The following OAS3 variants were observed in gnomAD, a reference collection of about 807,000 sequenced individuals.
The protein encoded by OAS3 is 2'-5'-oligoadenylate synthetase 3.
Under a neutral mutation model 113.0 loss-of-function variants are expected in OAS3, and 107 were observed. That is an observed-to-expected ratio of 0.95 (90% CI 0.81 to 1.11). The LOEUF is 1.11. Ranked by LOEUF, OAS3 falls within the 50% of genes most tolerant of loss-of-function variation. OAS3 has a pLI of 0.00. For missense variants in OAS3, 1,258 were observed against 1,389.1 expected (o/e 0.91, Z 1.50); for synonymous variants, 552 against 573.6 (o/e 0.96, Z 0.54).
In OAS3 at chr12:112,941,777, C is replaced by T; in HGVS notation, c.385C>T (p.Leu129=). 6.2e-7 allele frequency: 1 copy of T among 1,614,032 alleles called. No homozygotes were observed. The highest frequency in any genetic ancestry group is 8.5e-7 in the Non-Finnish European group (1 of 1,179,892). The change falls in exon 2 of 16, where the codon CTG becomes TTG. Residue 129 remains leucine (L), a synonymous_variant. Transcript: ENST00000228928. ...TFPEQSVPGA[L]QFRLTSVDLE... ...TCCTGAGCAGAGCGTGCCTGGGGCC[C>T]TGCAGTTCCGCCTGACATCCGTAGA...
In OAS3 at chr12:112,938,641, C is replaced by T. The variant is rs1044730070; in HGVS notation, c.111C>T (p.Ala37=). ...EKARRALGAL[A]AALRERGGRL... ...CGCGGCGCGCTCTGGGCGCCCTGGC[C>T]GCTGCCCTGAGGGAGCGCGGGGGCC... The change falls in exon 1 of 16, where the codon GCC becomes GCT. Residue 37 remains alanine, a synonymous_variant. Coordinates refer to ENST00000228928, the MANE Select transcript of OAS3 (RefSeq NM_006187.4). 1 of 1,605,026 alleles carries T rather than the reference C, an allele frequency of 6.2e-7. No homozygotes were observed. Among genetic ancestry groups the T allele is most frequent in the Non-Finnish European group, 8.5e-7 (1 of 1,176,810 alleles).
chr12:112,944,644 A>G lies in OAS3; in HGVS notation c.629A>G (p.Tyr210Cys), dbSNP rs969254961. The G allele has an allele frequency of 3.1e-6, 5 of 1,613,924 alleles. No individual in the cohort carries two copies. Among genetic ancestry groups the G allele is most frequent in the Middle Eastern group, 3.3e-4 (2 of 6,084 alleles). ...KNLILLVKHWYHQVCLQGLWK... is the reference protein window; with the variant it reads ...KNLILLVKHWCHQVCLQGLWK... ...CTAATCTTGCTGGTGAAGCACTGGT[A>G]CCACCAGGTGAAGCCACTTGGAAGG... The change falls in exon 3 of 16, where the codon TAC (tyrosine) becomes TGC (cysteine). Residue 210 changes from tyrosine to cysteine, a missense_variant. Physicochemically the swap from Tyr to Cys is radical, Grantham distance 194 (BLOSUM62 -2). Coordinates refer to ENST00000228928, the MANE Select transcript of OAS3 (RefSeq NM_006187.4).
chr12:112,950,318 C>A (rs370140233), intron 6 of OAS3, among the ~76,000 whole-genome samples: 1 of 152,310 alleles, frequency 6.6e-6, no homozygotes, highest in South Asian at 2.1e-4. Flanking sequence ...CAATTGCAGG[C>A]CCTATTAGGG....
Position 112,938,635 on chromosome 12 carries a change from C to T in OAS3, c.105C>T (p.Ala35=), listed in dbSNP as rs1334182022. The change falls in exon 1 of 16, where the codon GCC becomes GCT. Residue 35 remains alanine, a synonymous_variant. Coordinates refer to ENST00000228928, the MANE Select transcript of OAS3 (RefSeq NM_006187.4). The part of the protein sequence containing the change: ...FVEKARRALG[A]LAAALRERGG... ...AGAAGGCGCGGCGCGCTCTGGGCGC[C>T]CTGGCCGCTGCCCTGAGGGAGCGCG... 1.9e-6 allele frequency: 3 copies of T among 1,606,264 alleles called. No individual in the cohort carries two copies. The highest frequency in any genetic ancestry group is 1.7e-5 in the Admixed American group (1 of 59,298).
intron 11 of OAS3, 135 bp from the exon 12 acceptor site, chr12:112,965,609 A>C: frequency 1.3e-6 from 1 of 765,240 alleles, no homozygotes. Flanking sequence ...AGTCTTTCTT[A>C]CCATATTAAA....
chr12:112,951,206 C>T (rs34473003), intron 7 of OAS3, among the ~76,000 whole-genome samples: 19,323 of 152,150 alleles, frequency 0.13, 1,341 homozygotes, highest in Middle Eastern at 0.18. Flanking sequence ...AAACTACAGA[C>T]GTCACACACC....
chr12:112,947,824 G>A (rs2136347413), intron 4 of OAS3, 122 bp from the exon 5 acceptor site: 1 of 839,800 alleles, frequency 1.2e-6, no homozygotes, highest in African/African-American at 1.8e-5. Context: ...GGCTCAGAGA[G>A]GGTAAATCAT....
chr12:112,951,839 CAAAAAAAAAA>C lies in OAS3; in HGVS notation c.1657+879_1657+888del, dbSNP rs3038125. ...TGAAACCCCATCTCCACTAAAAATACAAAAAAAAAAAAAAAAAAAAAAAATAGCCTGGCAT... is the reference window on the plus strand; with the variant it reads ...TGAAACCCCATCTCCACTAAAAATACAAAAAAAAAAAAAATAGCCTGGCAT... On this transcript the variant is annotated intron_variant, in intron 7 of 15. Coordinates refer to ENST00000228928, the MANE Select transcript of OAS3 (RefSeq NM_006187.4). Among the ~76,000 whole-genome samples the C allele has an allele frequency of 4.3e-4, 45 of 105,696 alleles. 1 individual carries two copies. Among genetic ancestry groups the C allele is most frequent in the South Asian group, 2.2e-3 (7 of 3,228 alleles). 69.3% of individuals were successfully genotyped at this position (105,696 alleles called of 152,430 possible). A position where few individuals can be genotyped will look rare whatever the true frequency, so the allele number is the denominator to read the frequency against.
At chr12:112,950,036 A>G (rs907219354) in intron 6 of OAS3, among the ~76,000 whole-genome samples, 1 of 152,136 alleles carries the variant, frequency 6.6e-6, no homozygotes, top group African/African-American at 2.4e-5. Context: ...AAAAATAAAT[A>G]AAAATAAAAT....
chr12:112,944,115 G>T (rs1417948831), intron 2 of OAS3, among the ~76,000 whole-genome samples: 1 of 152,222 alleles, frequency 6.6e-6, no homozygotes, highest in African/African-American at 2.4e-5. Flanking sequence ...GTGTTTTGAG[G>T]AAGGCTCAGG....
At position 112,944,754 on chromosome 12, in the gene OAS3, T is replaced by C. The variant is rs918539762; in HGVS notation, c.636+103T>C. ...ACATTTAGTGGCCATTCATGTTCTC[T>C]CTCTGGGAATTGTCTGTTTATGTCC... On this transcript the variant is annotated intron_variant, in intron 3 of 15. Transcript: ENST00000228928. 4.7e-5 allele frequency: 58 copies of C among 1,227,940 alleles called. No homozygotes were observed. The East Asian group carries it at 7.1e-4, about 15-fold the overall frequency. 76.1% of individuals were successfully genotyped at this position (1,227,940 alleles called of 1,614,324 possible).
At chr12:112,953,840 A>C (rs1406030457) in intron 7 of OAS3, among the ~76,000 whole-genome samples, 1 of 151,784 alleles carries the variant, frequency 6.6e-6, no homozygotes, top group Non-Finnish European at 1.5e-5. Flanking sequence ...GGGTTGTTTG[A>C]TTTTTTTCTT....
At chr12:112,955,253 CAT>C (rs1419698743) in intron 7 of OAS3, among the ~76,000 whole-genome samples, 1 of 152,216 alleles carries the variant, frequency 6.6e-6, no homozygotes, top group Non-Finnish European at 1.5e-5. Flanking sequence ...AATATACAAT[CAT>C]GTCATTTGCA....
chr12:112,961,948 A>G (rs893454513), intron 8 of OAS3, among the ~76,000 whole-genome samples: 7 of 152,038 alleles, frequency 4.6e-5, no homozygotes, highest in African/African-American at 1.7e-4. Context: ...GGCATGCACT[A>G]CTACACCTGG....
At chr12:112,944,919 C>T (rs1169177246) in intron 3 of OAS3, 2 of 483,230 alleles carry the variant, frequency 4.1e-6, no homozygotes, top group East Asian at 8.1e-5. Flanking sequence ...TGGGCTTTTG[C>T]TTTGTTTAAA....
In OAS3 at chr12:112,954,377, A is replaced by G. The variant is rs7310667; in HGVS notation, c.1657+3402A>G. 0.7 allele frequency among the ~76,000 whole-genome samples: 106,446 copies of G among 151,924 alleles called. 37,612 individuals are homozygous for G. Among genetic ancestry groups the G allele is most frequent in the East Asian group, 0.91 (4,701 of 5,174 alleles). ...GCGATCTCGGCTCACTGCAAGCTCC[A>G]CCTCCCAGGTTCACACCATTCTCCT... On this transcript the variant is annotated intron_variant, in intron 7 of 15. Coordinates refer to ENST00000228928, the MANE Select transcript of OAS3 (RefSeq NM_006187.4). This position sits in a 1 kb window ranked among gnomAD's most constrained non-coding sequence, Gnocchi z 4.0.
Position 112,949,207 on chromosome 12 carries a change from TGA to T in OAS3, c.1374+4_1374+5del. Reference sequence around the variant, plus strand: ...CACAAGGCCTCAAGAGTCAGTAAAGTGAGTTGGGCCAGTGGAGACACAGGGGG... The same window carrying T: ...CACAAGGCCTCAAGAGTCAGTAAAGTGTTGGGCCAGTGGAGACACAGGGGG... On this transcript the variant is annotated splice_donor_region_variant and intron_variant, in intron 6 of 15. Coordinates refer to ENST00000228928, the MANE Select transcript of OAS3 (RefSeq NM_006187.4). 6.3e-7 allele frequency: 1 copy of T among 1,596,676 alleles called. No homozygotes were observed. Among genetic ancestry groups the T allele is most frequent in the Non-Finnish European group, 8.5e-7 (1 of 1,176,896 alleles).
At chr12:112,942,001 A>T in intron 2 of OAS3, 149 bp downstream of exon 2, 1 of 938,170 alleles carries the variant, frequency 1.1e-6, no homozygotes, top group Non-Finnish European at 1.7e-6. Context: ...GACTAAACAT[A>T]TTGGACTTGT....
At chr12:112,953,988 G>T (rs1265334815) in intron 7 of OAS3, among the ~76,000 whole-genome samples, 1 of 152,176 alleles carries the variant, frequency 6.6e-6, no homozygotes, top group African/African-American at 2.4e-5. Flanking sequence ...AAACTCTTTA[G>T]TTTAATTAGA....
Sources: allele counts gnomAD v4.1 joint callset (sites outside exome capture counted in the v4.1 genomes callset), GRCh38; gene constraint gnomAD v4.1.1; non-coding constraint Gnocchi (gnomAD v3.1); transcripts MANE v1.5; gene names NCBI Gene and HGNC (gene_info 2026-07-23, HGNC 2026-07-21).